MYT1L: variants seen among roughly 807,000 people sequenced by gnomAD.
MYT1L encodes myelin transcription factor 1 like, also known as myelin transcription factor 1-like protein.
Under a neutral mutation model 126.7 loss-of-function variants are expected in MYT1L, and 12 were observed. That is an observed-to-expected ratio of 0.09 (90% CI 0.06 to 0.15). MYT1L has a LOEUF of 0.15. Among genes scored for constraint, MYT1L ranks in the 10% least tolerant of loss-of-function variants. The pLI is 1.00. For synonymous variants in MYT1L, 541 were observed against 604.2 expected (o/e 0.90, Z 1.53); for missense variants, 979 against 1,585.2 (o/e 0.62, Z 6.49).
chr2:2,110,013 G>A (rs1243113005), intron 3 of MYT1L, among the ~76,000 whole-genome samples: 1 of 150,746 alleles, frequency 6.6e-6, no homozygotes, highest in Admixed American at 6.6e-5. Flanking sequence ...GTGAAACACA[G>A]CGTATGCACG....
intron 15 of MYT1L, among the ~76,000 whole-genome samples, chr2:1,891,623 C>T (rs1474586621): frequency 3.3e-5 from 5 of 152,154 alleles, no homozygotes; most frequent in African/African-American, 1.2e-4. Flanking sequence ...ATAGGCAGAT[C>T]CCTGCATTTC....
intron 18 of MYT1L, among the ~76,000 whole-genome samples, chr2:1,872,704 C>T (rs763251229): frequency 9.2e-5 from 14 of 152,024 alleles, no homozygotes; most frequent in Non-Finnish European, 1.9e-4. Context: ...TCTGACATGC[C>T]CTCCCTCCTC....
chr2:2,319,222 G>T (rs2096119892), intron 1 of MYT1L: 1 of 152,128 alleles, frequency 6.6e-6, no homozygotes, highest in Non-Finnish European at 1.5e-5. Flanking sequence ...TGCTTGGAAG[G>T]TTGGCCCTCA....
Position 1,943,407 on chromosome 2 carries a change from A to G in MYT1L, c.153-73T>C. On this transcript the variant is annotated intron_variant, in intron 8 of 24. Coordinates refer to ENST00000647738, the MANE Select transcript of MYT1L (RefSeq NM_001303052.2). The surrounding 1 kb of genome is among the most constrained non-coding windows in gnomAD (Gnocchi z 4.4). Reference sequence around the variant, plus strand: ...CTGTGTTACTGTCTTTTAAAATCAGACCAATGGGGGCCTTGATCAAGGTAC... The same window carrying G: ...CTGTGTTACTGTCTTTTAAAATCAGGCCAATGGGGGCCTTGATCAAGGTAC... The G allele has an allele frequency of 7.0e-7, 1 of 1,438,420 alleles. No homozygotes were observed. Among genetic ancestry groups the G allele is most frequent in the Non-Finnish European group, 9.1e-7 (1 of 1,093,006 alleles). The allele number at this position is 1,438,420 out of a possible 1,614,324, so 89.1% of individuals were successfully genotyped here. A position where few individuals can be genotyped will look rare whatever the true frequency, so the allele number is the denominator to read the frequency against.
At chr2:1,817,154 T>C (rs546129372) in intron 21 of MYT1L, 1 of 152,390 alleles carries the variant, frequency 6.6e-6, no homozygotes, top group South Asian at 2.1e-4. Flanking sequence ...TTTAGTCATA[T>C]CTATTAGGGA....
At chr2:1,859,036 G>C (rs537058675) in intron 18 of MYT1L, among the ~76,000 whole-genome samples, 1 of 152,312 alleles carries the variant, frequency 6.6e-6, no homozygotes, top group Non-Finnish European at 1.5e-5. Context: ...GACAGCCTGG[G>C]GGAGGGTGCT....
At chr2:2,037,137 C>A (rs904194819) in intron 4 of MYT1L, among the ~76,000 whole-genome samples, 5 of 152,222 alleles carry the variant, frequency 3.3e-5, no homozygotes, top group African/African-American at 7.2e-5. Flanking sequence ...CCAAATCACT[C>A]CACTTAGACT....
intron 3 of MYT1L, among the ~76,000 whole-genome samples, chr2:2,172,263 G>C (rs1172740109): frequency 6.6e-6 from 1 of 152,034 alleles, no homozygotes; most frequent in Non-Finnish European, 1.5e-5. Flanking sequence ...AGTTCCTTCT[G>C]CTGCAAGTGT....
At chr2:2,267,150 C>T (rs572366990) in intron 2 of MYT1L, among the ~76,000 whole-genome samples, 15 of 152,100 alleles carry the variant, frequency 9.9e-5, no homozygotes, top group East Asian at 1.9e-4. Context: ...GAGCAGCTGA[C>T]GTCTGGGCAA....
At chr2:1,835,744 C>T (rs554869787) in intron 21 of MYT1L, among the ~76,000 whole-genome samples, 10 of 152,288 alleles carry the variant, frequency 6.6e-5, no homozygotes, top group East Asian at 3.9e-4. Context: ...CCCCTTTCCT[C>T]CTTGGAGGTC....
Position 1,889,513 on chromosome 2 carries a change from C to T in MYT1L, c.2284-36G>A, listed in dbSNP as rs200454871. On this transcript the variant is annotated intron_variant, in intron 15 of 24. Coordinates refer to ENST00000647738, the MANE Select transcript of MYT1L (RefSeq NM_001303052.2). The surrounding 1 kb of genome is among the most constrained non-coding windows in gnomAD (Gnocchi z 4.1). ...AAAGACATAGTGACTGTGCTTGGCC[C>T]GGCATCTTGTGACACCACGAGTCCT... is the stretch of plus-strand genomic sequence containing the variant. The T allele has an allele frequency of 6.6e-6, 10 of 1,522,124 alleles. No individual in the cohort carries two copies. Among genetic ancestry groups the T allele is most frequent in the Non-Finnish European group, 8.9e-6 (10 of 1,123,588 alleles). 94.3% of individuals were successfully genotyped at this position (1,522,124 alleles called of 1,614,324 possible). A position where few individuals can be genotyped will look rare whatever the true frequency, so the allele number is the denominator to read the frequency against.
At chr2:2,038,198 T>C (rs576942561) in intron 4 of MYT1L, among the ~76,000 whole-genome samples, 6 of 152,356 alleles carry the variant, frequency 3.9e-5, no homozygotes, top group Admixed American at 1.3e-4. Flanking sequence ...CTGTTTAAGA[T>C]TGACTTTGTT....
rs1334858133 is a variant in MYT1L at position 2,228,552 on chromosome 2, A to G, written c.-420-55564T>C. Among the ~76,000 whole-genome samples, 1 of 152,190 alleles carries G rather than the reference A, an allele frequency of 6.6e-6. No individual in the cohort carries two copies. Among genetic ancestry groups the G allele is most frequent in the African/African-American group, 2.4e-5 (1 of 41,452 alleles). ...TTTTTTTGCCAATCTTTTTGATTTT[A>G]TAGAAAAAGTATTTATATAAATTCT... On this transcript the variant is annotated intron_variant, in intron 2 of 24. Transcript: ENST00000647738. The surrounding 1 kb of genome is among the most constrained non-coding windows in gnomAD (Gnocchi z 5.9).
At chr2:1,799,832 C>CA (rs2034496656) in intron 23 of MYT1L, among the ~76,000 whole-genome samples, 2 of 152,180 alleles carry the variant, frequency 1.3e-5, no homozygotes, top group Non-Finnish European at 2.9e-5. Context: ...ATCATGGGGG[C>CA]GTTCCCCCAT....
intron 18 of MYT1L, among the ~76,000 whole-genome samples, chr2:1,869,176 C>A (rs1306480421): frequency 6.8e-6 from 1 of 146,002 alleles, no homozygotes; most frequent in Non-Finnish European, 1.5e-5. Flanking sequence ...TGCCACTGTA[C>A]CTCCACCAGA....
At chr2:1,982,432 G>C (rs2060680693) in intron 5 of MYT1L, among the ~76,000 whole-genome samples, 1 of 152,238 alleles carries the variant, frequency 6.6e-6, no homozygotes. Context: ...CGGGGGTGTA[G>C]TGGAAGTTTG....
At chr2:2,284,940 T>A (rs371704662) in intron 1 of MYT1L, among the ~76,000 whole-genome samples, 302 of 152,240 alleles carry the variant, frequency 2.0e-3, no homozygotes, top group African/African-American at 4.4e-3. Context: ...GTGGTCTTGA[T>A]CTCCTGACCT....
intron 2 of MYT1L, among the ~76,000 whole-genome samples, chr2:2,269,405 C>T (rs1572998628): frequency 6.6e-6 from 1 of 152,184 alleles, no homozygotes; most frequent in East Asian, 1.9e-4. Context: ...AGTGTCTTTG[C>T]TCTCTTACAA....
intron 8 of MYT1L, among the ~76,000 whole-genome samples, chr2:1,968,190 G>C (rs1056155275): frequency 1.3e-5 from 2 of 152,174 alleles, no homozygotes; most frequent in Non-Finnish European, 2.9e-5. Context: ...TTGGACTAAA[G>C]CTCTGGACTC....
Sources: allele counts gnomAD v4.1 joint callset (sites outside exome capture counted in the v4.1 genomes callset), GRCh38; gene constraint gnomAD v4.1.1; non-coding constraint Gnocchi (gnomAD v3.1); transcripts MANE v1.5; gene names NCBI Gene and HGNC (gene_info 2026-07-23, HGNC 2026-07-21).